Variants in ITSN1 observed in about 807,000 individuals in gnomAD.
ITSN1 encodes the protein intersectin-1.
ITSN1 carries 58 observed loss-of-function variants against 239.8 expected under a neutral mutation model. The ratio of observed to expected loss-of-function variants is 0.24; its 90% CI spans 0.20 to 0.30. The LOEUF is 0.30. ITSN1 is among the 10% of genes least tolerant of loss of function. The pLI, the probability that ITSN1 is intolerant of heterozygous loss-of-function variation, is 1.00. For missense variants in ITSN1, 1,558 were observed against 2,103.3 expected, an observed-to-expected ratio of 0.74 and a Z score of 5.07; for synonymous variants, 780 against 770.8, an observed-to-expected ratio of 1.01 and a Z score of -0.20.
chr21:33,690,801 ATATATATATATATG>A (rs1194003297), intron 1 of ITSN1, among the ~76,000 whole-genome samples: 1,023 of 24,240 alleles, frequency 0.042, 140 homozygotes, highest in African/African-American at 0.059. Flanking sequence ...ATATATATAT[ATATATATATATATG>A]TATATATATA....
At chr21:33,666,954 T>C (rs1475375934) in intron 1 of ITSN1, among the ~76,000 whole-genome samples, 2 of 152,104 alleles carry the variant, frequency 1.3e-5, no homozygotes, top group African/African-American at 4.8e-5. Context: ...AGGCATTGTT[T>C]TACATTTACA....
chr21:33,867,830 C>T (rs1055568656), intron 33 of ITSN1, among the ~76,000 whole-genome samples: 2 of 151,484 alleles, frequency 1.3e-5, no homozygotes, highest in African/African-American at 4.9e-5. Context: ...TTCGTGGTCT[C>T]GCTGGCTCAA....
rs1018115988 is a variant in ITSN1 at position 33,893,976 on chromosome 21, C to T, written c.*5676C>T. The T allele has an allele frequency of 6.6e-5, 10 of 152,170 alleles. No homozygotes were observed. The highest frequency in any genetic ancestry group is 2.4e-4 in the African/African-American group (10 of 41,438). 9.4% of individuals were successfully genotyped at this position (152,170 alleles called of 1,614,324 possible). The stretch of plus-strand genomic sequence containing the variant: ...CACCAAGACACACTAGACAGTCCAT[C>T]TCTGGGTTGTGATCTCTCAGAAACA... On this transcript the variant is annotated 3_prime_UTR_variant, in exon 40 of 40. Transcript: ENST00000381318.
At chr21:33,699,936 G>T (rs932374307) in intron 1 of ITSN1, among the ~76,000 whole-genome samples, 1 of 151,698 alleles carries the variant, frequency 6.6e-6, no homozygotes, top group African/African-American at 2.4e-5. Context: ...TTTTAAGTTT[G>T]TTTTTTGTAG....
chr21:33,701,455 C>T lies in ITSN1; in HGVS notation c.-32-17342C>T, dbSNP rs182236401. 4.2e-3 allele frequency among the ~76,000 whole-genome samples: 633 copies of T among 152,096 alleles called. 2 individuals carry two copies. The highest frequency in any genetic ancestry group is 0.01 in the Middle Eastern group (3 of 294). ...ATATGTTTGAATTACCTCATTTCAT[C>T]TTGCATGCTTGTTATTTTTAACATG... is the stretch of plus-strand genomic sequence containing the variant. On this transcript the variant is annotated intron_variant, in intron 1 of 39. Coordinates refer to ENST00000381318, the MANE Select transcript of ITSN1 (RefSeq NM_003024.3).
intron 11 of ITSN1, among the ~76,000 whole-genome samples, chr21:33,770,866 C>T (rs1348753043): frequency 6.6e-6 from 1 of 150,534 alleles, no homozygotes. Flanking sequence ...CAGCTTTAAG[C>T]GATTCTCCTG....
At chr21:33,881,561 C>G (rs1450490830) in intron 34 of ITSN1, among the ~76,000 whole-genome samples, 1 of 152,148 alleles carries the variant, frequency 6.6e-6, no homozygotes, top group Non-Finnish European at 1.5e-5. Flanking sequence ...AAAGGACTGT[C>G]TGAATCTGTG....
chr21:33,784,356 A>ACACACACACACACACACACACAC (rs2070465989), intron 16 of ITSN1, among the ~76,000 whole-genome samples: 1 of 100,764 alleles, frequency 9.9e-6, no homozygotes, highest in South Asian at 3.0e-4. Context: ...CACACACACT[A>ACACACACACACACACACACACAC]GTCAGGTATG....
At chr21:33,673,910 A>C (rs2090447505) in intron 1 of ITSN1, among the ~76,000 whole-genome samples, 1 of 152,218 alleles carries the variant, frequency 6.6e-6, no homozygotes, top group South Asian at 2.1e-4. Flanking sequence ...ACTTCTGTAC[A>C]TCTTGCCCCA....
intron 1 of ITSN1, among the ~76,000 whole-genome samples, chr21:33,657,223 T>C (rs2089169127): frequency 6.6e-6 from 1 of 152,168 alleles, no homozygotes; most frequent in African/African-American, 2.4e-5. Context: ...TTTGTGTCAG[T>C]GTGTACCCAG....
Position 33,887,604 on chromosome 21 carries a change from T to A in ITSN1, c.5018-548T>A, listed in dbSNP as rs191951689. Among the ~76,000 whole-genome samples the A allele has an allele frequency of 5.2e-3, 797 of 151,872 alleles. 5 individuals are homozygous for A. Among genetic ancestry groups the A allele is most frequent in the Non-Finnish European group, 7.7e-3 (525 of 67,932 alleles). Reference sequence around the variant, plus strand: ...TCTAATTCTTTTTTCTTTTTATTTTTTTTATTTATTTATCTTTTTTCTTGT... The same window carrying A: ...TCTAATTCTTTTTTCTTTTTATTTTATTTATTTATTTATCTTTTTTCTTGT... On this transcript the variant is annotated intron_variant, in intron 39 of 39. Coordinates refer to ENST00000381318, the MANE Select transcript of ITSN1 (RefSeq NM_003024.3).
intron 1 of ITSN1, among the ~76,000 whole-genome samples, chr21:33,705,654 A>G (rs1351448581): frequency 6.6e-6 from 1 of 152,064 alleles, no homozygotes; most frequent in Non-Finnish European, 1.5e-5. Flanking sequence ...AGCCTCCCAA[A>G]GTGCTGGGAT....
intron 20 of ITSN1, among the ~76,000 whole-genome samples, chr21:33,807,006 G>A (rs2072506887): frequency 6.6e-6 from 1 of 152,038 alleles, no homozygotes; most frequent in Non-Finnish European, 1.5e-5. Flanking sequence ...ATTTAATTTA[G>A]GTGTTAAGAA....
chr21:33,885,766 T>G (rs1239073317), intron 38 of ITSN1, among the ~76,000 whole-genome samples: 1 of 152,168 alleles, frequency 6.6e-6, no homozygotes, highest in Non-Finnish European at 1.5e-5. Context: ...TGACACAAGA[T>G]CAGGCCAAAG....
chr21:33,734,449 A>C (rs2066374183), intron 4 of ITSN1, among the ~76,000 whole-genome samples: 1 of 152,190 alleles, frequency 6.6e-6, no homozygotes, highest in Non-Finnish European at 1.5e-5. Context: ...ATTCTAAAGA[A>C]AAGTTAGTTT....
At chr21:33,697,717 A>G (rs762101375) in intron 1 of ITSN1, among the ~76,000 whole-genome samples, 2 of 151,916 alleles carry the variant, frequency 1.3e-5, no homozygotes, top group African/African-American at 4.8e-5. Context: ...TTAGAGTTAT[A>G]TTTTTTTTCC....
Position 33,894,664 on chromosome 21 carries a change from A to G in ITSN1, c.*6364A>G, listed in dbSNP as rs555885920. ...CTTCTTCCAGAAGTTCTGGTTTTAT[A>G]CTTTTATCTTTTGAAAGAATAACAT... On this transcript the variant is annotated 3_prime_UTR_variant, in exon 40 of 40. Transcript: ENST00000381318. 1 of 152,292 alleles carries G rather than the reference A, an allele frequency of 6.6e-6. No homozygotes were observed. The highest frequency in any genetic ancestry group is 1.5e-5 in the Non-Finnish European group (1 of 68,012). The allele number at this position is 152,292 out of a possible 1,614,324, so 9.4% of individuals were successfully genotyped here.
intron 8 of ITSN1, among the ~76,000 whole-genome samples, chr21:33,761,089 T>A (rs2068285581): frequency 6.6e-6 from 1 of 152,094 alleles, no homozygotes; most frequent in South Asian, 2.1e-4. Context: ...TTTGTTTTTT[T>A]AATTGAGACA....
At chr21:33,704,176 A>G (rs1287267698) in intron 1 of ITSN1, among the ~76,000 whole-genome samples, 3 of 152,140 alleles carry the variant, frequency 2.0e-5, no homozygotes, top group Non-Finnish European at 4.4e-5. Context: ...TCCTGCTTAC[A>G]TATGGTAAAT....
Sources: allele counts gnomAD v4.1 joint callset (sites outside exome capture counted in the v4.1 genomes callset), GRCh38; gene constraint gnomAD v4.1.1; transcripts MANE v1.5; gene names NCBI Gene and HGNC (gene_info 2026-07-23, HGNC 2026-07-21).